The following PRKG2 variants were observed in gnomAD, a reference collection of about 807,000 sequenced individuals.
The protein encoded by PRKG2 is protein kinase cGMP-dependent 2.
PRKG2 carries 33 observed loss-of-function variants against 97.2 expected under a neutral mutation model. That is an observed-to-expected ratio of 0.34 (90% confidence interval 0.26 to 0.45). The LOEUF (loss-of-function observed/expected upper bound fraction) is 0.45, where lower values mean the gene tolerates loss of function less well. PRKG2 is among the 20% of genes least tolerant of loss of function. PRKG2 has a pLI of 1.00. For synonymous variants in PRKG2, 330 were observed against 321.8 expected, an observed-to-expected ratio of 1.03 and a Z score of -0.27; for missense variants, 638 against 900.0, an observed-to-expected ratio of 0.71 and a Z score of 3.73.
rs774773074 is a variant in PRKG2 at position 81,089,732 on chromosome 4, T to C, written c.2265A>G (p.Leu755=). The change falls in exon 19 of 19, where the codon CTA becomes CTG. Residue 755 remains leucine, a synonymous_variant. Transcript: ENST00000264399. The part of the protein sequence containing the change: ...PPEKGMPPDE[L]SGWDKDF ...GTCAGAAGTCTTTATCCCAGCCTGA[T>C]AGCTCATCTGGAGGCATTCCCTTTT... is the stretch of plus-strand genomic sequence containing the variant. The C allele has an allele frequency of 1.9e-6, 3 of 1,612,448 alleles. No homozygotes were observed. The highest frequency in any genetic ancestry group is 1.1e-5 in the South Asian group (1 of 91,034).
chr4:81,149,443 A>T (rs1467536446), intron 8 of PRKG2, among the ~76,000 whole-genome samples: 1 of 152,184 alleles, frequency 6.6e-6, no homozygotes, highest in African/African-American at 2.4e-5. Context: ...CTTTCATTTC[A>T]AAGTGTAAAG....
chr4:81,121,844 C>A (rs969843796), intron 14 of PRKG2, among the ~76,000 whole-genome samples: 1 of 152,092 alleles, frequency 6.6e-6, no homozygotes, highest in Non-Finnish European at 1.5e-5. Flanking sequence ...ACAGTAAACA[C>A]CCTAGCATAG....
intron 2 of PRKG2, among the ~76,000 whole-genome samples, chr4:81,179,522 C>G (rs913791834): frequency 6.6e-6 from 1 of 152,064 alleles, no homozygotes; most frequent in South Asian, 2.1e-4. Context: ...GAGCTCCAGA[C>G]AGAAGAAATA....
chr4:81,136,835 A>G (rs1019900113), intron 13 of PRKG2, among the ~76,000 whole-genome samples: 1 of 151,928 alleles, frequency 6.6e-6, no homozygotes, highest in Non-Finnish European at 1.5e-5. Flanking sequence ...AACTCATTAG[A>G]GGTAAAGTTT....
chr4:81,092,736 C>T (rs902797909), intron 17 of PRKG2, among the ~76,000 whole-genome samples: 1 of 152,160 alleles, frequency 6.6e-6, no homozygotes, highest in Non-Finnish European at 1.5e-5. Context: ...CATGTCTGAA[C>T]AGAAGCTTAA....
chr4:81,100,143 G>A (rs1174929551), intron 17 of PRKG2, among the ~76,000 whole-genome samples: 1 of 151,504 alleles, frequency 6.6e-6, no homozygotes, highest in Non-Finnish European at 1.5e-5. Flanking sequence ...ACTGCCCAAG[G>A]TAATTTATAG....
intron 17 of PRKG2, 114 bp from the exon 18 acceptor site, chr4:81,092,566 C>T (rs1468303518): frequency 1.3e-5 from 9 of 701,910 alleles, no homozygotes; most frequent in African/African-American, 1.1e-4. Flanking sequence ...AAACTATTAG[C>T]ATGTCAAGTT....
intron 2 of PRKG2, among the ~76,000 whole-genome samples, chr4:81,187,659 A>G (rs1752004127): frequency 6.6e-6 from 1 of 152,192 alleles, no homozygotes; most frequent in Non-Finnish European, 1.5e-5. Context: ...TCAAATAGGA[A>G]AAGAGGAAGT....
intron 4 of PRKG2, among the ~76,000 whole-genome samples, 189 bp downstream of exon 4, chr4:81,171,502 T>C (rs147493458): frequency 4.1e-4 from 62 of 152,266 alleles, no homozygotes; most frequent in East Asian, 4.0e-3. Context: ...CCAGAAAAGT[T>C]CTTTTTAGCT....
At chr4:81,116,342 A>G (rs1200751210) in intron 14 of PRKG2, among the ~76,000 whole-genome samples, 3 of 152,100 alleles carry the variant, frequency 2.0e-5, no homozygotes, top group Non-Finnish European at 4.4e-5. Context: ...AGCTCCAACC[A>G]TGTTGCTGCG....
At chr4:81,193,818 C>G (rs1207509547) in intron 2 of PRKG2, among the ~76,000 whole-genome samples, 1 of 152,132 alleles carries the variant, frequency 6.6e-6, no homozygotes, top group Non-Finnish European at 1.5e-5. Flanking sequence ...CCAGCCTAGG[C>G]AACAGACAGA....
intron 2 of PRKG2, among the ~76,000 whole-genome samples, chr4:81,180,057 C>T (rs777779083): frequency 2.6e-5 from 4 of 152,060 alleles, no homozygotes; most frequent in South Asian, 2.1e-4. Flanking sequence ...TGCTTGAACC[C>T]GGGAGTCGGA....
chr4:81,179,485 C>G (rs1751220510), intron 2 of PRKG2, among the ~76,000 whole-genome samples: 1 of 152,104 alleles, frequency 6.6e-6, no homozygotes, highest in African/African-American at 2.4e-5. Flanking sequence ...AATGTTTTTC[C>G]ATTGGCAACA....
intron 15 of PRKG2, among the ~76,000 whole-genome samples, chr4:81,109,433 A>G (rs1189542605): frequency 6.6e-6 from 1 of 152,188 alleles, no homozygotes; most frequent in East Asian, 1.9e-4. Flanking sequence ...AAATCAGTTA[A>G]CCAGAAATGG....
At chr4:81,122,290 C>T (rs1456660077) in intron 14 of PRKG2, among the ~76,000 whole-genome samples, 2 of 152,158 alleles carry the variant, frequency 1.3e-5, no homozygotes, top group African/African-American at 4.8e-5. Context: ...TTCATCAGCT[C>T]TTCTTGGCCT....
intron 14 of PRKG2, among the ~76,000 whole-genome samples, chr4:81,123,503 C>T (rs1745261927): frequency 6.6e-6 from 1 of 152,230 alleles, no homozygotes; most frequent in South Asian, 2.1e-4. Flanking sequence ...CTCCCAGGTT[C>T]ACGCCATTCT....
Position 81,169,676 on chromosome 4 carries a change from T to G in PRKG2, c.835A>C (p.Asn279His), listed in dbSNP as rs1306039853. ...TAQARDEQYR[N>H]FLRSVSLLKN... ...TATTATTCTTACCTTCTGAGGAAGTTTCTGTATTGTTCATCTCTAGCTTGG... is the reference window on the plus strand; with the variant it reads ...TATTATTCTTACCTTCTGAGGAAGTGTCTGTATTGTTCATCTCTAGCTTGG... Residue 279 changes from asparagine to histidine, a missense_variant, in exon 5 of 19, where the codon AAC becomes CAC. Coordinates refer to ENST00000264399, the MANE Select transcript of PRKG2 (RefSeq NM_006259.3). 4 of 1,599,132 alleles carry G rather than the reference T, an allele frequency of 2.5e-6. No individual in the cohort carries two copies. Among genetic ancestry groups the G allele is most frequent in the Non-Finnish European group, 3.4e-6 (4 of 1,168,544 alleles).
chr4:81,093,360 AACACAC>A (rs60004845), intron 17 of PRKG2, among the ~76,000 whole-genome samples: 1,909 of 116,312 alleles, frequency 0.016, 33 homozygotes, highest in African/African-American at 0.05. Context: ...CTCCCCCACC[AACACAC>A]ACACACACAC....
At chr4:81,162,149 C>T (rs1484825053) in intron 6 of PRKG2, among the ~76,000 whole-genome samples, 1 of 152,050 alleles carries the variant, frequency 6.6e-6, no homozygotes, top group Non-Finnish European at 1.5e-5. Flanking sequence ...ACTACTACAC[C>T]TAATGTTGTT....
Sources: gnomAD v4.1 joint callset for allele counts (sites outside exome capture counted in the v4.1 genomes callset) on GRCh38, gnomAD v4.1.1 for gene constraint, MANE v1.5 for transcripts, NCBI Gene and HGNC (gene_info 2026-07-23, HGNC 2026-07-21) for gene names.